The following IGSF11 variants were observed in gnomAD, a reference collection of about 807,000 sequenced individuals.
IGSF11 encodes the protein immunoglobulin superfamily member 11.
In IGSF11, 22 loss-of-function variants were observed where a neutral mutation model predicts 41.0. That is an observed-to-expected ratio of 0.54 (90% CI 0.38 to 0.77). The LOEUF is 0.77. Ranked by LOEUF, IGSF11 falls within the 30% of genes least tolerant of loss-of-function variation. The probability of loss-of-function intolerance (pLI) is 0.00; values close to 1 mark genes in which losing one functional copy is unlikely to be tolerated. For synonymous variants in IGSF11, 219 were observed against 201.3 expected (o/e 1.09, Z -0.74); for missense variants, 444 against 530.8 (o/e 0.84, Z 1.61).
At chr3:119,056,903 C>T (rs577732184) in intron 1 of IGSF11, among the ~76,000 whole-genome samples, 11 of 152,130 alleles carry the variant, frequency 7.2e-5, no homozygotes, top group Non-Finnish European at 1.5e-4. Flanking sequence ...GCAGAAAAGG[C>T]CTTTGACAAA....
chr3:119,021,651 C>A (rs1433141303), intron 1 of IGSF11, among the ~76,000 whole-genome samples: 1 of 152,066 alleles, frequency 6.6e-6, no homozygotes, highest in African/African-American at 2.4e-5. Flanking sequence ...TTTGTCCTTA[C>A]CCCCGACTCT....
At chr3:119,010,951 T>C (rs1297173086) in intron 1 of IGSF11, among the ~76,000 whole-genome samples, 1 of 152,178 alleles carries the variant, frequency 6.6e-6, no homozygotes, top group Non-Finnish European at 1.5e-5. Context: ...AAAAATGAAC[T>C]AAGAAGTCAT....
intron 1 of IGSF11, among the ~76,000 whole-genome samples, chr3:119,046,533 G>T (rs1169668722): frequency 1.3e-5 from 2 of 151,780 alleles, no homozygotes; most frequent in Non-Finnish European, 3.0e-5. Flanking sequence ...GTACCTGAAA[G>T]TGATGGGGAG....
At chr3:119,008,706 T>C (rs953992468) in intron 1 of IGSF11, among the ~76,000 whole-genome samples, 2 of 152,228 alleles carry the variant, frequency 1.3e-5, no homozygotes, top group Non-Finnish European at 2.9e-5. Context: ...ATGTGCCAAC[T>C]TGACTGGGCT....
At chr3:119,106,266 T>C (rs1330711175), upstream of IGSF11, among the ~76,000 whole-genome samples, 1 of 152,234 alleles carries the variant, frequency 6.6e-6, no homozygotes, top group African/African-American at 2.4e-5. Context: ...TTATTGACTA[T>C]AGTCACCCAG....
chr3:118,952,096 T>G (rs1463246825), intron 1 of IGSF11, among the ~76,000 whole-genome samples: 2 of 152,158 alleles, frequency 1.3e-5, no homozygotes, highest in Non-Finnish European at 2.9e-5. Flanking sequence ...CTGTAGTCTA[T>G]TAAGTATGCA....
intron 4 of IGSF11, among the ~76,000 whole-genome samples, chr3:118,913,938 C>CA (rs1004700835): frequency 1.3e-5 from 2 of 151,860 alleles, no homozygotes; most frequent in African/African-American, 4.8e-5. Context: ...TGAAAAGGTC[C>CA]AAAAAATGGC....
At chr3:118,964,044 T>C (rs1044400348) in intron 1 of IGSF11, among the ~76,000 whole-genome samples, 3 of 152,128 alleles carry the variant, frequency 2.0e-5, no homozygotes, top group African/African-American at 7.2e-5. Flanking sequence ...CAACCTTCTA[T>C]ACCTTACTTT....
intron 1 of IGSF11, among the ~76,000 whole-genome samples, chr3:118,998,993 A>T (rs1201418698): frequency 6.6e-6 from 1 of 152,080 alleles, no homozygotes; most frequent in Non-Finnish European, 1.5e-5. Flanking sequence ...AAAATTTTTT[A>T]ATAATAAGGA....
chr3:118,930,830 G>C (rs1157549912), intron 1 of IGSF11, among the ~76,000 whole-genome samples: 1 of 152,184 alleles, frequency 6.6e-6, no homozygotes, highest in Non-Finnish European at 1.5e-5. Context: ...TAGATTCAGA[G>C]CTAGCCCAGT....
intron 1 of IGSF11, among the ~76,000 whole-genome samples, chr3:119,117,395 T>C (rs1559877878): frequency 6.6e-6 from 1 of 152,158 alleles, no homozygotes; most frequent in Admixed American, 6.6e-5. Flanking sequence ...ACGTCTTACA[T>C]GGATGGCAGC....
intron 1 of IGSF11, among the ~76,000 whole-genome samples, chr3:119,143,034 C>T (rs2077671133): frequency 6.6e-6 from 1 of 152,080 alleles, no homozygotes; most frequent in African/African-American, 2.4e-5. Flanking sequence ...TTAAGACATT[C>T]CCAGATAAAC....
intron 1 of IGSF11, chr3:118,949,193 T>A (rs2107578076): frequency 6.6e-6 from 1 of 151,684 alleles, no homozygotes; most frequent in East Asian, 1.9e-4. Flanking sequence ...AGACCATCTG[T>A]CCCAAGAAAC....
chr3:119,009,114 G>A (rs1023663583), intron 1 of IGSF11, among the ~76,000 whole-genome samples: 6 of 152,072 alleles, frequency 3.9e-5, no homozygotes, highest in Non-Finnish European at 1.5e-5. Context: ...TACACCATCT[G>A]AGCATGAAAA....
chr3:118,960,031 C>T (rs943537202), intron 1 of IGSF11, among the ~76,000 whole-genome samples: 16 of 143,314 alleles, frequency 1.1e-4, no homozygotes, highest in African/African-American at 3.1e-4. Context: ...GGTGACACAG[C>T]GAGACTCCGT....
intron 1 of IGSF11, among the ~76,000 whole-genome samples, chr3:118,964,396 G>A (rs1945535113): frequency 6.6e-6 from 1 of 151,954 alleles, no homozygotes; most frequent in East Asian, 1.9e-4. Context: ...CAGAGCTAAA[G>A]AGGGAAAAAA....
At position 119,011,949 on chromosome 3, in the gene IGSF11, G is replaced by C. The variant is rs867100677; in HGVS notation, c.52+22582C>G. On this transcript the variant is annotated intron_variant, in intron 1 of 6. Coordinates refer to ENST00000393775, the MANE Select transcript of IGSF11 (RefSeq NM_001015887.3). ...CAACAGATGCTATATAGTGTTCTGT[G>C]TGTGTGTGTGTGTGTGTGTGTATAC... 1.0e-3 allele frequency among the ~76,000 whole-genome samples: 152 copies of C among 151,362 alleles called. No homozygotes were observed. In the East Asian group the frequency reaches 0.018, roughly 18 times the overall value.
intron 3 of IGSF11, among the ~76,000 whole-genome samples, chr3:118,926,717 A>C (rs1313143310): frequency 6.6e-6 from 1 of 152,210 alleles, no homozygotes; most frequent in East Asian, 1.9e-4. Flanking sequence ...GGGCAGACCC[A>C]CTTTATACCA....
rs1199469059 is a variant in IGSF11, at chr3:118,902,308, C to T, written c.*212G>A. 4 of 509,484 alleles carry T rather than the reference C, an allele frequency of 7.9e-6. No individual in the cohort carries two copies. Among genetic ancestry groups the T allele is most frequent in the South Asian group, 3.1e-5 (1 of 32,224 alleles). The allele number at this position is 509,484 out of a possible 1,614,324, so 31.6% of individuals were successfully genotyped here. A position where few individuals can be genotyped will look rare whatever the true frequency, so the allele number is the denominator to read the frequency against. ...TTTGAGATCCAGCAGAATCCCAGGACATCTTTGGTGGGGAAGCAAGTCTTC... is the reference window on the plus strand; with the variant it reads ...TTTGAGATCCAGCAGAATCCCAGGATATCTTTGGTGGGGAAGCAAGTCTTC... On this transcript the variant is annotated 3_prime_UTR_variant, in exon 7 of 7. Coordinates refer to ENST00000393775, the MANE Select transcript of IGSF11 (RefSeq NM_001015887.3).
Sources: allele counts gnomAD v4.1 joint callset (sites outside exome capture counted in the v4.1 genomes callset), GRCh38; gene constraint gnomAD v4.1.1; transcripts MANE v1.5; gene names NCBI Gene and HGNC (gene_info 2026-07-23, HGNC 2026-07-21).